Variants in NALF1 observed in about 807,000 individuals in gnomAD.
NALF1 encodes family with sequence similarity 155 member A.
Under a neutral mutation model 48.4 loss-of-function variants are expected in NALF1, and 3 were observed. The observed-to-expected ratio is 0.06, with a 90% CI of 0.03 to 0.16. The LOEUF is 0.16. NALF1 is among the 10% of genes least tolerant of loss of function. The pLI, the probability that NALF1 is intolerant of heterozygous loss-of-function variation, is 1.00. For missense variants in NALF1, 526 were observed against 571.5 expected (o/e 0.92, Z 0.81); for synonymous variants, 262 against 245.7 (o/e 1.07, Z -0.62).
intron 1 of NALF1, among the ~76,000 whole-genome samples, chr13:107,761,733 A>G (rs1209268743): frequency 2.0e-5 from 3 of 152,224 alleles, no homozygotes; most frequent in Non-Finnish European, 4.4e-5. Flanking sequence ...GTTCCAACAC[A>G]TCAAACAATA....
chr13:107,851,983 TA>T lies in NALF1; in HGVS notation c.915+13698del, dbSNP rs1213493168. 3.3e-4 allele frequency among the ~76,000 whole-genome samples: 49 copies of T among 150,436 alleles called. 1 individual carries two copies. The highest frequency in any genetic ancestry group is 3.2e-3 in the Middle Eastern group (1 of 316). Reference sequence around the variant, plus strand: ...CACCATGCCCGGCTATTTTTTTTTTTAATTTGGGGGGTGTCATTATGTTGCC... The same window carrying T: ...CACCATGCCCGGCTATTTTTTTTTTTATTTGGGGGGTGTCATTATGTTGCC... On this transcript the variant is annotated intron_variant, in intron 1 of 2. Transcript: ENST00000375915.
At chr13:107,384,140 C>T (rs1883486330) in intron 1 of NALF1, among the ~76,000 whole-genome samples, 1 of 152,054 alleles carries the variant, frequency 6.6e-6, no homozygotes, top group African/African-American at 2.4e-5. Context: ...GTGGTCCCAG[C>T]TACATGGGAG....
intron 1 of NALF1, among the ~76,000 whole-genome samples, chr13:107,491,679 A>G (rs1009564326): frequency 5.3e-5 from 8 of 152,162 alleles, no homozygotes; most frequent in Non-Finnish European, 1.2e-4. Flanking sequence ...ACCTTGCCCC[A>G]TATTTAATGT....
chr13:107,412,837 T>G (rs1884015599), intron 1 of NALF1, among the ~76,000 whole-genome samples: 2 of 152,198 alleles, frequency 1.3e-5, no homozygotes, highest in African/African-American at 4.8e-5. Context: ...AAAGTTGTCT[T>G]AAAAGGGAAG....
intron 1 of NALF1, among the ~76,000 whole-genome samples, chr13:107,399,834 G>T (rs1295280496): frequency 6.6e-6 from 1 of 152,028 alleles, no homozygotes; most frequent in African/African-American, 2.4e-5. Context: ...TAAAATGAAT[G>T]CAGAAAAGAA....
At chr13:107,663,685 T>C (rs1325740100) in intron 1 of NALF1, among the ~76,000 whole-genome samples, 3 of 152,196 alleles carry the variant, frequency 2.0e-5, no homozygotes, top group African/African-American at 7.2e-5. Context: ...CAAAGTATCA[T>C]ACAAACTGAT....
intron 1 of NALF1, among the ~76,000 whole-genome samples, chr13:107,353,848 A>G (rs1158631696): frequency 6.6e-6 from 1 of 152,220 alleles, no homozygotes; most frequent in East Asian, 1.9e-4. Flanking sequence ...TAATCCATTA[A>G]TTCATTAGTA....
intron 1 of NALF1, among the ~76,000 whole-genome samples, chr13:107,317,396 T>C (rs1461939916): frequency 1.3e-5 from 2 of 152,084 alleles, no homozygotes; most frequent in East Asian, 1.9e-4. Flanking sequence ...GAGAGAGGTA[T>C]TGACTTTTAT....
At chr13:107,652,653 A>T (rs915475945) in intron 1 of NALF1, among the ~76,000 whole-genome samples, 3 of 152,076 alleles carry the variant, frequency 2.0e-5, no homozygotes, top group African/African-American at 7.2e-5. Flanking sequence ...TGAACTCAAA[A>T]TCCTAAGACT....
chr13:107,206,400 T>G (rs1225044242), intron 2 of NALF1, among the ~76,000 whole-genome samples: 1 of 152,194 alleles, frequency 6.6e-6, no homozygotes, highest in Non-Finnish European at 1.5e-5. Context: ...CTCAGATATT[T>G]CATTTTTTAA....
intron 1 of NALF1, among the ~76,000 whole-genome samples, chr13:107,841,706 C>G (rs1449460348): frequency 6.6e-6 from 1 of 150,406 alleles, no homozygotes; most frequent in Non-Finnish European, 1.5e-5. Context: ...TTTGTTTTAA[C>G]AAATCACATT....
intron 1 of NALF1, among the ~76,000 whole-genome samples, chr13:107,221,467 CT>C (rs1490988372): frequency 2.2e-4 from 34 of 152,030 alleles, no homozygotes; most frequent in African/African-American, 8.0e-4. Context: ...GTAATTCCAG[CT>C]ACTTGGGAGG....
At chr13:107,509,868 C>T (rs900643504) in intron 1 of NALF1, among the ~76,000 whole-genome samples, 4 of 152,034 alleles carry the variant, frequency 2.6e-5, no homozygotes, top group African/African-American at 9.7e-5. Context: ...TGCAGTGGTG[C>T]AATCTCAGCT....
chr13:107,650,253 T>TA (rs1361065340), intron 1 of NALF1, among the ~76,000 whole-genome samples: 1 of 151,978 alleles, frequency 6.6e-6, no homozygotes, highest in African/African-American at 2.4e-5. Flanking sequence ...AGAACCAGGG[T>TA]ACCCCTGGCC....
chr13:107,203,363 A>G (rs1039324776), intron 2 of NALF1, among the ~76,000 whole-genome samples: 6 of 152,136 alleles, frequency 3.9e-5, no homozygotes, highest in Admixed American at 2.0e-4. Context: ...AGAGGAGATC[A>G]CTACATGCTT....
At chr13:107,657,961 T>C (rs1345375707) in intron 1 of NALF1, among the ~76,000 whole-genome samples, 3 of 152,168 alleles carry the variant, frequency 2.0e-5, no homozygotes, top group Non-Finnish European at 4.4e-5. Flanking sequence ...GATTTTTATC[T>C]TGCCCTCCTT....
At position 107,171,518 on chromosome 13, in the gene NALF1, G is replaced by A. The variant is rs554533999; in HGVS notation, c.1088-732C>T. The stretch of plus-strand genomic sequence containing the variant: ...TATCAGGAATTGTCTGTCTCTCTCC[G>A]CTTCTCTTGTTCTCTCTTCACTTTC... On this transcript the variant is annotated intron_variant, in intron 2 of 2. Coordinates refer to ENST00000375915, the MANE Select transcript of NALF1 (RefSeq NM_001080396.3). Among the ~76,000 whole-genome samples the A allele has an allele frequency of 7.9e-5, 12 of 152,190 alleles. No individual in the cohort carries two copies. In the South Asian group the frequency reaches 1.9e-3, roughly 24 times the overall value.
At chr13:107,435,414 T>C (rs1484189406) in intron 1 of NALF1, among the ~76,000 whole-genome samples, 1 of 152,190 alleles carries the variant, frequency 6.6e-6, no homozygotes, top group East Asian at 1.9e-4. Context: ...ATTAAATTAA[T>C]ACACGCAGAC....
intron 1 of NALF1, among the ~76,000 whole-genome samples, chr13:107,269,250 A>AG (rs1491536040): frequency 6.6e-6 from 1 of 152,124 alleles, no homozygotes; most frequent in Non-Finnish European, 1.5e-5. Context: ...AGCAATAGTC[A>AG]GGGGGGTTCA....
Sources: gnomAD v4.1 joint callset for allele counts (sites outside exome capture counted in the v4.1 genomes callset) on GRCh38, gnomAD v4.1.1 for gene constraint, MANE v1.5 for transcripts, NCBI Gene and HGNC (gene_info 2026-07-23, HGNC 2026-07-21) for gene names.